Variants in FAM107B observed in about 807,000 individuals in gnomAD.
FAM107B encodes protein FAM107B.
Under a neutral mutation model 31.5 loss-of-function variants are expected in FAM107B, and 21 were observed. The observed-to-expected ratio is 0.67, with a 90% CI of 0.47 to 0.96. The LOEUF is 0.96. Ranked by LOEUF, FAM107B falls within the 40% of genes least tolerant of loss-of-function variation. The pLI is 0.00. For missense variants in FAM107B, 452 were observed against 377.1 expected (o/e 1.20, Z -1.64); for synonymous variants, 157 against 141.5 (o/e 1.11, Z -0.78).
At chr10:14,521,371 C>T in intron 4 of FAM107B, 65 bp from the exon 5 acceptor site, 1 of 1,347,398 alleles carries the variant, frequency 7.4e-7, no homozygotes, top group South Asian at 1.2e-5. Context: ...ATACTCTTCT[C>T]TCTTTTCAAA....
chr10:14,773,994 G>A (rs1310681258), intron 1 of FAM107B, among the ~76,000 whole-genome samples: 2 of 152,086 alleles, frequency 1.3e-5, no homozygotes, highest in African/African-American at 4.8e-5. Flanking sequence ...TGGCTCTAAG[G>A]CACCCTAGCC....
In FAM107B at chr10:14,573,594, A is replaced by AT. The variant is rs60264114; in HGVS notation, c.470-43080dup. On this transcript the variant is annotated intron_variant, in intron 2 of 4. Transcript: ENST00000181796. ...AAAAATACAAAAAAAAAAAAAAAAA[A>AT]TTAGCAGGACATGGTGGAATATGCC... Among the ~76,000 whole-genome samples, 150 of 149,744 alleles carry AT rather than the reference A, an allele frequency of 1.0e-3. 2 individuals carry two copies. Among genetic ancestry groups the AT allele is most frequent in the Admixed American group, 3.1e-3 (46 of 14,924 alleles).
At position 14,595,234 on chromosome 10, in the gene FAM107B, C is replaced by G. The variant is rs77303428; in HGVS notation, c.470-64719G>C. On this transcript the variant is annotated intron_variant, in intron 2 of 4. Coordinates refer to ENST00000181796, the MANE Select transcript of FAM107B (RefSeq NM_031453.4). ...ATTGTATGGAATATAAATTATACCGCAATAAAGCTATGCTAACAACAAAAC... is the reference window on the plus strand; with the variant it reads ...ATTGTATGGAATATAAATTATACCGGAATAAAGCTATGCTAACAACAAAAC... Among the ~76,000 whole-genome samples, 1,183 of 152,174 alleles carry G rather than the reference C, an allele frequency of 7.8e-3. 21 individuals carry two copies. Among genetic ancestry groups the G allele is most frequent in the African/African-American group, 0.027 (1,100 of 41,496 alleles).
intron 2 of FAM107B, among the ~76,000 whole-genome samples, chr10:14,593,836 T>A (rs1852095091): frequency 6.6e-6 from 1 of 152,170 alleles, no homozygotes. Flanking sequence ...TCCTCTGCAA[T>A]ACAAAACTAT....
chr10:14,604,343 A>C (rs1852517647), intron 2 of FAM107B: 1 of 799,168 alleles, frequency 1.3e-6, no homozygotes, highest in African/African-American at 1.9e-5. Context: ...AGGCGGCGCG[A>C]GGGCGGCTCC....
intron 1 of FAM107B, chr10:14,723,871 A>C (rs1364292579): frequency 2.7e-6 from 2 of 754,312 alleles, no homozygotes; most frequent in Non-Finnish European, 4.9e-6. Flanking sequence ...AACGGCATGA[A>C]CTGCCAGCAG....
chr10:14,560,978 T>C (rs1293850130), intron 2 of FAM107B, among the ~76,000 whole-genome samples: 1 of 152,186 alleles, frequency 6.6e-6, no homozygotes, highest in East Asian at 1.9e-4. Flanking sequence ...CATAATTTTG[T>C]TCCCTACACA....
chr10:14,601,247 C>T (rs1235411598), intron 2 of FAM107B, among the ~76,000 whole-genome samples: 1 of 152,152 alleles, frequency 6.6e-6, no homozygotes, highest in African/African-American at 2.4e-5. Context: ...GCAATCTAAT[C>T]CAGCTTGCCA....
chr10:14,524,389 T>C (rs1394862561), intron 3 of FAM107B, among the ~76,000 whole-genome samples: 2 of 152,040 alleles, frequency 1.3e-5, no homozygotes, highest in Non-Finnish European at 2.9e-5. Flanking sequence ...CAAAATAATA[T>C]ATGTCTCCAA....
chr10:14,710,008 T>C (rs980915864), intron 1 of FAM107B, among the ~76,000 whole-genome samples: 3 of 152,158 alleles, frequency 2.0e-5, no homozygotes, highest in African/African-American at 7.2e-5. Flanking sequence ...TAGATACATA[T>C]AGTTAGACAT....
intron 2 of FAM107B, among the ~76,000 whole-genome samples, chr10:14,558,161 T>TCA (rs529132120): frequency 9.8e-4 from 149 of 151,424 alleles, no homozygotes; most frequent in African/African-American, 3.5e-3. Context: ...CAACCCATCA[T>TCA]CACCTGCCTC....
chr10:14,567,397 G>A (rs75887244), intron 2 of FAM107B, among the ~76,000 whole-genome samples: 3,312 of 152,204 alleles, frequency 0.022, 63 homozygotes, highest in East Asian at 0.089. Context: ...GAGAGGAGGA[G>A]GGATGGGCTC....
At chr10:14,553,865 G>A (rs1198060553) in intron 2 of FAM107B, among the ~76,000 whole-genome samples, 7 of 152,170 alleles carry the variant, frequency 4.6e-5, no homozygotes, top group African/African-American at 1.7e-4. Context: ...GGGCCAGAGA[G>A]GCTAAGAAAC....
At chr10:14,567,033 G>A (rs1013874421) in intron 2 of FAM107B, among the ~76,000 whole-genome samples, 1 of 152,168 alleles carries the variant, frequency 6.6e-6, no homozygotes, top group Admixed American at 6.5e-5. Flanking sequence ...GACGCCTGTA[G>A]TCCCAGCTAC....
At chr10:14,635,870 G>A (rs541495220) in intron 2 of FAM107B, among the ~76,000 whole-genome samples, 2 of 152,172 alleles carry the variant, frequency 1.3e-5, no homozygotes, top group South Asian at 4.1e-4. Context: ...GACCTCAAGT[G>A]ATCTGCCCGC....
intron 2 of FAM107B, among the ~76,000 whole-genome samples, chr10:14,629,152 G>A (rs1479684563): frequency 7.1e-6 from 1 of 141,056 alleles, no homozygotes; most frequent in Non-Finnish European, 1.5e-5. Flanking sequence ...AACTTTCTAA[G>A]TGGAACCAAA....
intron 1 of FAM107B, among the ~76,000 whole-genome samples, chr10:14,734,922 G>C (rs982397386): frequency 6.6e-6 from 1 of 152,086 alleles, no homozygotes; most frequent in Non-Finnish European, 1.5e-5. Context: ...ATTGATATAC[G>C]CAATCTCCTC....
At chr10:14,632,704 G>A (rs1429550439) in intron 2 of FAM107B, among the ~76,000 whole-genome samples, 2 of 151,818 alleles carry the variant, frequency 1.3e-5, no homozygotes, top group African/African-American at 4.8e-5. Context: ...GAAAGAGTGA[G>A]TACAAAGAAA....
chr10:14,703,722 T>C (rs1406356221), intron 1 of FAM107B, among the ~76,000 whole-genome samples: 2 of 152,238 alleles, frequency 1.3e-5, no homozygotes, highest in Non-Finnish European at 2.9e-5. Flanking sequence ...CTTTGAATTA[T>C]AACAAAATGT....
Sources: gnomAD v4.1 joint callset for allele counts (sites outside exome capture counted in the v4.1 genomes callset) on GRCh38, gnomAD v4.1.1 for gene constraint, MANE v1.5 for transcripts, NCBI Gene and HGNC (gene_info 2026-07-23, HGNC 2026-07-21) for gene names.